RASSF3: variants seen among roughly 807,000 people sequenced by gnomAD.
RASSF3 encodes ras association domain-containing protein 3.
RASSF3 carries 19 observed loss-of-function variants against 19.9 expected under a neutral mutation model. That is an observed-to-expected ratio of 0.96 (90% confidence interval 0.67 to 1.40). The LOEUF (loss-of-function observed/expected upper bound fraction) is 1.40. Among genes scored for constraint, RASSF3 ranks in the 40% most tolerant of loss-of-function variants. The probability of loss-of-function intolerance (pLI) is 0.00; values close to 1 mark genes in which losing one functional copy is unlikely to be tolerated. For synonymous variants in RASSF3, 110 were observed against 104.2 expected (o/e 1.06, Z -0.34); for missense variants, 306 against 289.8 (o/e 1.06, Z -0.41).
chr12:64,633,614 A>G (rs1871235007), intron 1 of RASSF3, among the ~76,000 whole-genome samples: 1 of 152,176 alleles, frequency 6.6e-6, no homozygotes. Context: ...TTTTCTTTAT[A>G]AATTACCTAG....
At chr12:64,663,641 G>A (rs1872446433) in intron 1 of RASSF3, among the ~76,000 whole-genome samples, 1 of 151,872 alleles carries the variant, frequency 6.6e-6, no homozygotes, top group Admixed American at 6.6e-5. Context: ...GAGTAGCTGG[G>A]ACTACAGGCA....
downstream of RASSF3, among the ~76,000 whole-genome samples, chr12:64,546,088 T>C (rs1461523129): frequency 9.4e-5 from 7 of 74,516 alleles, no homozygotes; most frequent in East Asian, 4.5e-4. Context: ...AGAGCAAGAC[T>C]CCGTCTCAAA....
intron 1 of RASSF3, among the ~76,000 whole-genome samples, chr12:64,637,867 C>T (rs1222770469): frequency 1.3e-5 from 2 of 150,522 alleles, no homozygotes; most frequent in African/African-American, 2.4e-5. Context: ...GAGTCTTGCT[C>T]TGTCGCCAGG....
upstream of RASSF3, among the ~76,000 whole-genome samples, chr12:64,607,791 C>G (rs1244392781): frequency 6.6e-6 from 1 of 151,932 alleles, no homozygotes; most frequent in South Asian, 2.1e-4. Flanking sequence ...GACTCTTACT[C>G]TGTTACCCAG....
chr12:64,631,144 A>C (rs191111606), intron 1 of RASSF3, among the ~76,000 whole-genome samples: 2 of 152,222 alleles, frequency 1.3e-5, no homozygotes, highest in Non-Finnish European at 2.9e-5. Context: ...GGGCACCAGC[A>C]GGTAAGAAGT....
intron 1 of RASSF3, among the ~76,000 whole-genome samples, chr12:64,647,412 CTTTTTT>C: frequency 7.3e-6 from 1 of 136,908 alleles, no homozygotes; most frequent in East Asian, 2.1e-4. Flanking sequence ...ATTTTTTTTT[CTTTTTT>C]TTTTTTTGGT....
chr12:64,549,053 T>C (rs1204673609), intron 2 of RASSF3, among the ~76,000 whole-genome samples: 2 of 151,962 alleles, frequency 1.3e-5, no homozygotes, highest in East Asian at 1.9e-4. Context: ...AAAAGTGGGG[T>C]ACGATAGCCC....
chr12:64,617,126 T>C (rs1010077330), intron 1 of RASSF3, among the ~76,000 whole-genome samples: 2 of 152,322 alleles, frequency 1.3e-5, no homozygotes, highest in Non-Finnish European at 2.9e-5. Flanking sequence ...TTTTCCTTTA[T>C]ACACAAATGT....
rs572224530 is a variant in RASSF3, at chr12:64,510,929, G to A, written c.169+3600G>A. ...GAGCTGTGCTACTTTGAGAGCTTGT[G>A]GGACTTCAGAGTCAGACCTGGCTTG... On this transcript the variant is annotated intron_variant, in intron 1 of 5. Coordinates refer to the RASSF3 transcript ENST00000637125. 6.4e-4 allele frequency among the ~76,000 whole-genome samples: 98 copies of A among 152,256 alleles called. 2 individuals are homozygous for A. The South Asian group carries it at 0.02, about 31-fold the overall frequency.
intron 1 of RASSF3, among the ~76,000 whole-genome samples, chr12:64,538,827 T>G (rs1868883985): frequency 6.6e-6 from 1 of 152,102 alleles, no homozygotes; most frequent in Non-Finnish European, 1.5e-5. Flanking sequence ...GAGGATCACT[T>G]GAAGTCAGGA....
intron 1 of RASSF3, among the ~76,000 whole-genome samples, chr12:64,614,799 T>C (rs1285873135): frequency 2.0e-5 from 3 of 151,596 alleles, no homozygotes; most frequent in Admixed American, 1.3e-4. Flanking sequence ...CCAGGATCAA[T>C]TGATTCTCAT....
chr12:64,610,434 A>C (rs1396977178), upstream of RASSF3: 2 of 178,900 alleles, frequency 1.1e-5, no homozygotes, highest in East Asian at 1.5e-4. Flanking sequence ...TCGCGGGCGC[A>C]CCGGGGCCGA....
chr12:64,683,874 C>T (rs1385816237), intron 1 of RASSF3, among the ~76,000 whole-genome samples: 2 of 151,824 alleles, frequency 1.3e-5, no homozygotes, highest in African/African-American at 2.4e-5. Flanking sequence ...AATTAGTTTT[C>T]TTAAAAAATA....
chr12:64,641,351 G>A (rs890696624), intron 1 of RASSF3, among the ~76,000 whole-genome samples: 6 of 151,640 alleles, frequency 4.0e-5, no homozygotes, highest in Non-Finnish European at 5.9e-5. Context: ...AGCCGAGACC[G>A]TACCACTGCC....
In RASSF3 at chr12:64,676,118, C is replaced by T. The variant is rs566918858; in HGVS notation, c.112-8669C>T. Among the ~76,000 whole-genome samples, 3 of 151,662 alleles carry T rather than the reference C, an allele frequency of 2.0e-5. No individual in the cohort carries two copies. In the South Asian group the frequency reaches 6.2e-4, roughly 32 times the overall value. On this transcript the variant is annotated intron_variant, in intron 1 of 4. Transcript: ENST00000542104. ...ACTTTTAAGGACAAGAACAGCAGCA[C>T]CAAACACCCCAGAAACAACTGTTCT... is the stretch of plus-strand genomic sequence containing the variant.
intron 1 of RASSF3, among the ~76,000 whole-genome samples, chr12:64,667,894 G>C (rs1872577290): frequency 6.6e-6 from 1 of 152,162 alleles, no homozygotes; most frequent in African/African-American, 2.4e-5. Context: ...CACTGAGCCT[G>C]TTTTCCTTCT....
At chr12:64,532,881 C>T (rs1018449138), upstream of RASSF3, among the ~76,000 whole-genome samples, 20 of 152,082 alleles carry the variant, frequency 1.3e-4, no homozygotes, top group African/African-American at 4.6e-4. Flanking sequence ...CTATTATTTT[C>T]CTCATTTTAG....
intron 1 of RASSF3, among the ~76,000 whole-genome samples, chr12:64,684,564 T>C (rs548050569): frequency 1.3e-5 from 2 of 152,060 alleles, no homozygotes; most frequent in South Asian, 4.2e-4. Flanking sequence ...CCCAAGTAGC[T>C]GGGTTTACAA....
At chr12:64,682,246 C>T (rs892354370) in intron 1 of RASSF3, among the ~76,000 whole-genome samples, 3 of 152,044 alleles carry the variant, frequency 2.0e-5, no homozygotes, top group African/African-American at 7.2e-5. Context: ...TAGACTTCAC[C>T]AGGATGGTGC....
Sources: gnomAD v4.1 joint callset for allele counts (sites outside exome capture counted in the v4.1 genomes callset) on GRCh38, gnomAD v4.1.1 for gene constraint, MANE v1.5 for transcripts, NCBI Gene and HGNC (gene_info 2026-07-23, HGNC 2026-07-21) for gene names.